NXPH1: variants seen among roughly 807,000 people sequenced by gnomAD.
NXPH1 encodes neurexophilin-1.
A neutral mutation model predicts 23.7 loss-of-function variants in NXPH1; 5 were observed. The ratio of observed to expected loss-of-function variants is 0.21; its 90% CI spans 0.11 to 0.44. The LOEUF (loss-of-function observed/expected upper bound fraction) is 0.44. Ranked by LOEUF, NXPH1 falls within the 20% of genes least tolerant of loss-of-function variation. NXPH1 has a pLI of 0.99. For synonymous variants in NXPH1, 144 were observed against 122.2 expected (o/e 1.18, Z -1.18); for missense variants, 324 against 321.6 (o/e 1.01, Z -0.06).
At chr7:8,628,385 T>A (rs985208) in intron 2 of NXPH1, among the ~76,000 whole-genome samples, 2 of 147,940 alleles carry the variant, frequency 1.4e-5, no homozygotes, top group Non-Finnish European at 3.0e-5. Context: ...TTTTTTTTTT[T>A]AGATAATGTA....
intron 2 of NXPH1, among the ~76,000 whole-genome samples, chr7:8,696,902 G>A (rs1417218244): frequency 6.7e-6 from 1 of 150,024 alleles, no homozygotes; most frequent in South Asian, 2.1e-4. Context: ...CCAGCACTTT[G>A]GGAGGCTGAG....
intron 2 of NXPH1, among the ~76,000 whole-genome samples, chr7:8,624,557 C>T (rs1331505579): frequency 6.6e-6 from 1 of 151,934 alleles, no homozygotes; most frequent in Non-Finnish European, 1.5e-5. Flanking sequence ...CAGGCCAAAC[C>T]AGAAGGGAAA....
At chr7:8,464,668 T>G (rs1816750121) in intron 2 of NXPH1, among the ~76,000 whole-genome samples, 1 of 152,202 alleles carries the variant, frequency 6.6e-6, no homozygotes. Context: ...CCTCGTTTAT[T>G]AAAATCTAGG....
At chr7:8,568,848 G>A (rs1243968551) in intron 2 of NXPH1, among the ~76,000 whole-genome samples, 1 of 151,780 alleles carries the variant, frequency 6.6e-6, no homozygotes, top group Non-Finnish European at 1.5e-5. Context: ...AGTCAGTACT[G>A]AGTGCAGTGT....
At chr7:8,567,046 C>A (rs140330772) in intron 2 of NXPH1, among the ~76,000 whole-genome samples, 6 of 151,904 alleles carry the variant, frequency 3.9e-5, no homozygotes, top group Non-Finnish European at 8.8e-5. Flanking sequence ...ATCTCTCACA[C>A]ATACACATCT....
At chr7:8,631,742 A>G (rs1339313300) in intron 2 of NXPH1, among the ~76,000 whole-genome samples, 2 of 152,198 alleles carry the variant, frequency 1.3e-5, no homozygotes, top group Non-Finnish European at 2.9e-5. Context: ...CCAGAAAGCC[A>G]TGGATTATTG....
rs1213381835 is a variant in NXPH1 at position 8,737,995 on chromosome 7, GTTC to G, written c.55-13008_55-13006del. Among the ~76,000 whole-genome samples, 6 of 152,274 alleles carry G rather than the reference GTTC, an allele frequency of 3.9e-5. No individual in the cohort carries two copies. The South Asian group carries it at 1.0e-3, about 26-fold the overall frequency. On this transcript the variant is annotated intron_variant, in intron 2 of 2. Coordinates refer to ENST00000405863, the MANE Select transcript of NXPH1 (RefSeq NM_152745.3). ...TTTTCAGCTCCATCAGGTCATTTAT[GTTC>G]TTCTCTAAATTGGTTAATCTAGTTA... is the stretch of plus-strand genomic sequence containing the variant.
intron 2 of NXPH1, among the ~76,000 whole-genome samples, chr7:8,686,642 T>G (rs1821149545): frequency 6.6e-6 from 1 of 152,144 alleles, no homozygotes; most frequent in African/African-American, 2.4e-5. Context: ...GAAAGTTAGC[T>G]CCACAAATGT....
intron 2 of NXPH1, among the ~76,000 whole-genome samples, chr7:8,682,180 A>C (rs2115177518): frequency 6.6e-6 from 1 of 152,280 alleles, no homozygotes; most frequent in Non-Finnish European, 1.5e-5. Flanking sequence ...GTGGTTACTT[A>C]GGGTCCTGAG....
intron 2 of NXPH1, among the ~76,000 whole-genome samples, chr7:8,437,179 T>C (rs1213193513): frequency 6.6e-6 from 1 of 152,200 alleles, no homozygotes; most frequent in African/African-American, 2.4e-5. Flanking sequence ...TTTCTGACTC[T>C]GTCACCGAAG....
chr7:8,593,498 A>C (rs946532073), intron 2 of NXPH1, among the ~76,000 whole-genome samples: 4 of 151,982 alleles, frequency 2.6e-5, no homozygotes, highest in Non-Finnish European at 5.9e-5. Context: ...TTGTGGAATA[A>C]ATTGCCCCCT....
intron 2 of NXPH1, among the ~76,000 whole-genome samples, chr7:8,694,755 A>T (rs867313312): frequency 3.9e-5 from 6 of 152,210 alleles, no homozygotes; most frequent in Admixed American, 2.0e-4. Context: ...TATAACTAGA[A>T]ATTCATATAA....
At chr7:8,737,789 T>G (rs922225091) in intron 2 of NXPH1, among the ~76,000 whole-genome samples, 13 of 152,208 alleles carry the variant, frequency 8.5e-5, no homozygotes, top group African/African-American at 3.1e-4. Context: ...TAGGTTTGTT[T>G]TATTCACACG....
At chr7:8,621,647 C>T (rs191986393) in intron 2 of NXPH1, among the ~76,000 whole-genome samples, 24 of 152,024 alleles carry the variant, frequency 1.6e-4, no homozygotes, top group Non-Finnish European at 1.9e-4. Context: ...GGCACCACGC[C>T]GGCTAATTTT....
chr7:8,525,598 G>A (rs1001903377), intron 2 of NXPH1, among the ~76,000 whole-genome samples: 1 of 152,134 alleles, frequency 6.6e-6, no homozygotes, highest in Non-Finnish European at 1.5e-5. Flanking sequence ...GGTTTCATGG[G>A]TTGGGCCCAG....
chr7:8,714,565 T>C (rs779545516), intron 2 of NXPH1, among the ~76,000 whole-genome samples: 1 of 151,888 alleles, frequency 6.6e-6, no homozygotes, highest in Non-Finnish European at 1.5e-5. Context: ...GAAGCCAGCA[T>C]ATATCTGTGT....
intron 2 of NXPH1, among the ~76,000 whole-genome samples, chr7:8,533,396 A>T (rs1817981323): frequency 6.6e-6 from 1 of 152,120 alleles, no homozygotes; most frequent in Admixed American, 6.5e-5. Flanking sequence ...AATCCATATC[A>T]TAAAATGTAA....
At chr7:8,457,348 G>GCAA (rs1181201453) in intron 2 of NXPH1, among the ~76,000 whole-genome samples, 4 of 152,128 alleles carry the variant, frequency 2.6e-5, no homozygotes, top group Non-Finnish European at 5.9e-5. Context: ...ACCCAGAGAT[G>GCAA]CAATCTGTGG....
Position 8,435,389 on chromosome 7 carries a change from C to A in NXPH1, c.-110-215C>A. ...GGAGCGCAGGGGGCAAGGAGCCCCT[C>A]ACCCTCCCTCTCGTCCGCCCGCCCG... On this transcript the variant is annotated intron_variant, in intron 1 of 2. Coordinates refer to ENST00000405863, the MANE Select transcript of NXPH1 (RefSeq NM_152745.3). This position sits in a 1 kb window ranked among gnomAD's most constrained non-coding sequence, Gnocchi z 5.9. The A allele has an allele frequency of 2.2e-6, 1 of 445,460 alleles. No individual in the cohort carries two copies. Among genetic ancestry groups the A allele is most frequent in the Non-Finnish European group, 4.1e-6 (1 of 245,220 alleles). The allele number at this position is 445,460 out of a possible 1,614,324, so 27.6% of individuals were successfully genotyped here.
Sources: gnomAD v4.1 joint callset for allele counts (sites outside exome capture counted in the v4.1 genomes callset) on GRCh38, gnomAD v4.1.1 for gene constraint, Gnocchi (gnomAD v3.1) non-coding constraint, MANE v1.5 for transcripts, NCBI Gene and HGNC (gene_info 2026-07-23, HGNC 2026-07-21) for gene names.